FKBP5: variants seen among roughly 807,000 people sequenced by gnomAD.
FKBP5 encodes peptidyl-prolyl cis-trans isomerase FKBP5.
A neutral mutation model predicts 50.5 loss-of-function variants in FKBP5; 23 were observed. The ratio of observed to expected loss-of-function variants is 0.46; its 90% CI spans 0.33 to 0.65. FKBP5 has a LOEUF of 0.65. FKBP5 is among the 30% of genes least tolerant of loss of function. The pLI, the probability that FKBP5 is intolerant of heterozygous loss-of-function variation, is 0.02. For synonymous variants in FKBP5, 176 were observed against 190.6 expected (o/e 0.92, Z 0.63); for missense variants, 411 against 553.1 (o/e 0.74, Z 2.58).
chr6:35,683,506 C>CT (rs1765739587), intron 1 of FKBP5, among the ~76,000 whole-genome samples: 1 of 151,590 alleles, frequency 6.6e-6, no homozygotes, highest in Non-Finnish European at 1.5e-5. Flanking sequence ...CACTGTGTTG[C>CT]CCAGGCTGGA....
intron 2 of FKBP5, among the ~76,000 whole-genome samples, chr6:35,716,510 G>A (rs1158978549): frequency 2.0e-5 from 3 of 152,108 alleles, no homozygotes; most frequent in Non-Finnish European, 2.9e-5. Context: ...TTCTGCCTAT[G>A]TGATGTTCCC....
rs1190351861 is a variant in FKBP5, at chr6:35,597,489, T to C, written c.509-85A>G. ...GAAGTGATAAATGAGTGGTCGACAA[T>C]GTAGCAAATACCATTTCCCCTTTCT... On this transcript the variant is annotated intron_variant, in intron 5 of 10. Transcript: ENST00000357266. 4 of 1,432,344 alleles carry C rather than the reference T, an allele frequency of 2.8e-6. No homozygotes were observed. The Admixed American group carries it at 7.1e-5, about 25-fold the overall frequency. The allele number at this position is 1,432,344 out of a possible 1,614,324, so 88.7% of individuals were successfully genotyped here.
chr6:35,590,756 C>T (rs1762790665), intron 7 of FKBP5, among the ~76,000 whole-genome samples: 1 of 152,008 alleles, frequency 6.6e-6, no homozygotes, highest in African/African-American at 2.4e-5. Context: ...TGAAAAGCTG[C>T]ACCCCACTCC....
chr6:35,722,832 C>T (rs112557188), intron 1 of FKBP5, among the ~76,000 whole-genome samples: 25 of 152,198 alleles, frequency 1.6e-4, no homozygotes, highest in African/African-American at 5.8e-4. Flanking sequence ...CCCAAGTAAA[C>T]CAGGGACTCA....
intron 1 of FKBP5, among the ~76,000 whole-genome samples, chr6:35,653,752 A>G (rs748252515): frequency 2.0e-4 from 30 of 152,300 alleles, no homozygotes; most frequent in African/African-American, 6.3e-4. Flanking sequence ...AGGAGATGAC[A>G]GAAGCCAAAA....
intron 3 of FKBP5, among the ~76,000 whole-genome samples, chr6:35,630,379 T>G (rs953667954): frequency 1.4e-4 from 21 of 151,896 alleles, no homozygotes; most frequent in African/African-American, 3.9e-4. Context: ...AAACCCCGTC[T>G]CTACTAAAAA....
chr6:35,647,153 C>T (rs573302217), intron 1 of FKBP5, among the ~76,000 whole-genome samples: 51 of 152,254 alleles, frequency 3.3e-4, no homozygotes, highest in African/African-American at 1.2e-3. Context: ...GACCACACTT[C>T]CCCTGACTCT....
chr6:35,590,736 C>T (rs1044434391), intron 7 of FKBP5, among the ~76,000 whole-genome samples: 6 of 151,962 alleles, frequency 3.9e-5, no homozygotes, highest in African/African-American at 1.5e-4. Context: ...GGGTACAATC[C>T]GTTCAGCTCT....
intron 7 of FKBP5, among the ~76,000 whole-genome samples, chr6:35,588,664 G>A (rs564310726): frequency 5.3e-5 from 8 of 151,826 alleles, no homozygotes; most frequent in Admixed American, 1.3e-4. Context: ...GCAGTGGCAC[G>A]ATCGCGGCTC....
chr6:35,665,118 T>A, intron 1 of FKBP5, among the ~76,000 whole-genome samples: 1 of 152,148 alleles, frequency 6.6e-6, no homozygotes, highest in East Asian at 1.9e-4. Context: ...GACGGCTCAC[T>A]CACTCCCACT....
In FKBP5 at chr6:35,581,186, A is replaced by T. The variant is rs1227155233; in HGVS notation, c.841-965T>A. On this transcript the variant is annotated intron_variant, in intron 8 of 10. Coordinates refer to ENST00000357266, the MANE Select transcript of FKBP5 (RefSeq NM_004117.4). ...ATGGGAATATGAATAGTTGGATAGT[A>T]GCATACAACATAAATAACAACTATA... The T allele has an allele frequency of 6.1e-6, 6 of 982,340 alleles. No individual in the cohort carries two copies. The African/African-American group carries it at 8.8e-5, about 14-fold the overall frequency. 60.9% of individuals were successfully genotyped at this position (982,340 alleles called of 1,614,324 possible).
chr6:35,668,025 A>G (rs1765278276), intron 1 of FKBP5, among the ~76,000 whole-genome samples: 1 of 152,240 alleles, frequency 6.6e-6, no homozygotes, highest in Admixed American at 6.5e-5. Context: ...AAGAACATTC[A>G]AAAAGGGAAA....
chr6:35,586,847 C>G, intron 8 of FKBP5, 187 bp downstream of exon 8: 1 of 1,111,110 alleles, frequency 9.0e-7, no homozygotes, highest in Non-Finnish European at 1.2e-6. Context: ...GGAATCTGTA[C>G]TTTTTTTTTT....
At chr6:35,627,101 G>A (rs1764023731) in intron 3 of FKBP5, among the ~76,000 whole-genome samples, 1 of 152,092 alleles carries the variant, frequency 6.6e-6, no homozygotes. Flanking sequence ...CACCAACAGC[G>A]CATAAGGGTT....
chr6:35,609,262 T>C (rs1342215287), intron 5 of FKBP5, among the ~76,000 whole-genome samples: 1 of 152,220 alleles, frequency 6.6e-6, no homozygotes, highest in Non-Finnish European at 1.5e-5. Context: ...CACAGTATTT[T>C]TTTCGAAAAG....
At chr6:35,601,484 ACAGTAG>A (rs1198447406) in intron 5 of FKBP5, among the ~76,000 whole-genome samples, 1 of 152,212 alleles carries the variant, frequency 6.6e-6, no homozygotes, top group Non-Finnish European at 1.5e-5. Flanking sequence ...GCTGATTGCC[ACAGTAG>A]GGGCCCTGAT....
At chr6:35,591,085 G>A in intron 7 of FKBP5, 45 bp downstream of exon 7, 1 of 1,273,152 alleles carries the variant, frequency 7.9e-7, no homozygotes, top group Non-Finnish European at 1.1e-6. Flanking sequence ...GAAGTGGATG[G>A]AGAAGAAACC....
chr6:35,644,995 ATT>A (rs1462881202), intron 1 of FKBP5, among the ~76,000 whole-genome samples: 1 of 152,248 alleles, frequency 6.6e-6, no homozygotes, highest in Admixed American at 6.5e-5. Context: ...ATTACTTATT[ATT>A]AAAAAAGGAA....
chr6:35,589,116 ATATATATATATATTT>A (rs1762724194), intron 7 of FKBP5, among the ~76,000 whole-genome samples: 1 of 124,830 alleles, frequency 8.0e-6, no homozygotes, highest in African/African-American at 3.2e-5. Context: ...ATTTTTATAT[ATATATATATATATTT>A]TTTTTTTTTT....
Sources: gnomAD v4.1 joint callset for allele counts (sites outside exome capture counted in the v4.1 genomes callset) on GRCh38, gnomAD v4.1.1 for gene constraint, MANE v1.5 for transcripts, NCBI Gene and HGNC (gene_info 2026-07-23, HGNC 2026-07-21) for gene names.